The following ABCA6 variants were observed in gnomAD, a reference collection of about 807,000 sequenced individuals.
The protein encoded by ABCA6 is ATP-binding cassette sub-family A member 6.
A neutral mutation model predicts 191.2 loss-of-function variants in ABCA6; 164 were observed. The observed-to-expected ratio is 0.86, with a 90% CI of 0.76 to 0.98. The LOEUF is 0.98. ABCA6 is among the 50% of genes least tolerant of loss of function. The pLI is 0.00. For missense variants in ABCA6, 1,958 were observed against 1,894.1 expected, an observed-to-expected ratio of 1.03 and a Z score of -0.63; for synonymous variants, 636 against 647.7, an observed-to-expected ratio of 0.98 and a Z score of 0.27.
chr17:69,121,801 A>G (rs2073652299), intron 10 of ABCA6, among the ~76,000 whole-genome samples: 1 of 152,028 alleles, frequency 6.6e-6, no homozygotes, highest in Non-Finnish European at 1.5e-5. Flanking sequence ...CAACTGGTAA[A>G]GAAGGATTGA....
Position 69,114,848 on chromosome 17 carries a change from C to T in ABCA6, c.1696G>A (p.Val566Ile). ...TTCACGGTGAGTATGTCAAATTGAA[C>T]ATTGAATTGAGGACAGACGCCAGTT... ...KITGVCPQFNVQFDILTVKEN... is the reference protein window; with the variant it reads ...KITGVCPQFNIQFDILTVKEN... Residue 566 changes from valine to isoleucine, a missense_variant, in exon 13 of 39, where the codon GTT becomes ATT. Physicochemically the swap from Val to Ile is conservative, Grantham distance 29 (BLOSUM62 3). Coordinates refer to ENST00000284425, the MANE Select transcript of ABCA6 (RefSeq NM_080284.3). The T allele has an allele frequency of 6.2e-7, 1 of 1,612,682 alleles. No homozygotes were observed. Among genetic ancestry groups the T allele is most frequent in the Non-Finnish European group, 8.5e-7 (1 of 1,179,182 alleles).
rs760596501 is a variant in ABCA6 at position 69,083,260 on chromosome 17, G to A, written c.4427C>T (p.Ala1476Val). The A allele has an allele frequency of 8.7e-6, 14 of 1,610,796 alleles. No individual in the cohort carries two copies. The highest frequency in any genetic ancestry group is 6.7e-5 in the East Asian group (3 of 44,852). ...GGCCACACGGTCACACAAGGCTTCC[G>A]CCTCAGCCAGGTTATGGGTGGTCAG... ...VLLTTHNLAE[A>V]EALCDRVAIM... Residue 1476 changes from alanine (A) to valine (V), a missense_variant, in exon 35 of 39, where the codon GCG becomes GTG. By Grantham distance (64) the Ala-to-Val change is moderately conservative. Coordinates refer to ENST00000284425, the MANE Select transcript of ABCA6 (RefSeq NM_080284.3).
Position 69,096,803 on chromosome 17 carries a change from TG to T in ABCA6, c.3121-3del. 1 of 1,517,004 alleles carries T rather than the reference TG, an allele frequency of 6.6e-7. No homozygotes were observed. Among genetic ancestry groups the T allele is most frequent in the Non-Finnish European group, 8.7e-7 (1 of 1,143,918 alleles). 94.0% of individuals were successfully genotyped at this position (1,517,004 alleles called of 1,614,324 possible). A position where few individuals can be genotyped will look rare whatever the true frequency, so the allele number is the denominator to read the frequency against. On this transcript the variant is annotated splice_polypyrimidine_tract_variant and splice_region_variant and intron_variant, in intron 23 of 38. Coordinates refer to ENST00000284425, the MANE Select transcript of ABCA6 (RefSeq NM_080284.3). ...CCATAGCTGGGACTTAGCATTTTTC[TG>T]ATTAAAAAAAAAAAGAAAGAAAGAA...
At chr17:69,088,426 G>A (rs181226456) in intron 27 of ABCA6, among the ~76,000 whole-genome samples, 168 bp from the exon 28 acceptor site, 7 of 152,210 alleles carry the variant, frequency 4.6e-5, no homozygotes, top group African/African-American at 9.6e-5. Context: ...AGTGAAACCT[G>A]TTTCCTTTCT....
intron 1 of ABCA6, among the ~76,000 whole-genome samples, chr17:69,141,432 C>G (rs1729449856): frequency 6.6e-6 from 1 of 151,860 alleles, no homozygotes. Flanking sequence ...GTAATTTTGC[C>G]CAAAGATTTG....
Position 69,133,886 on chromosome 17 carries a change from A to G in ABCA6, c.565-19T>C. 1.4e-6 allele frequency: 2 copies of G among 1,454,872 alleles called. No individual in the cohort carries two copies. Among genetic ancestry groups the G allele is most frequent in the Non-Finnish European group, 1.9e-6 (2 of 1,065,230 alleles). 90.1% of individuals were successfully genotyped at this position (1,454,872 alleles called of 1,614,324 possible). On this transcript the variant is annotated intron_variant, in intron 5 of 38. Transcript: ENST00000284425. ...TTGTGATCTAAAGTAGAGTTTAAAC[A>G]AACATAATTATTATTTAAAAGATAG...
chr17:69,126,500 T>A (rs1427501599), intron 8 of ABCA6, among the ~76,000 whole-genome samples: 1 of 151,794 alleles, frequency 6.6e-6, no homozygotes, highest in African/African-American at 2.4e-5. Context: ...AATTAAAAAT[T>A]AGCCAGGTGT....
intron 5 of ABCA6, among the ~76,000 whole-genome samples, chr17:69,134,185 A>G (rs961385042): frequency 2.6e-5 from 4 of 152,220 alleles, no homozygotes; most frequent in Non-Finnish European, 4.4e-5. Context: ...ACCACAGGAA[A>G]ATCTGATTAT....
chr17:69,124,740 C>A, intron 9 of ABCA6, 148 bp downstream of exon 9: 1 of 417,194 alleles, frequency 2.4e-6, no homozygotes, highest in Non-Finnish European at 4.2e-6. Context: ...TTCATTAGAC[C>A]ATTAGAACTA....
chr17:69,090,319 G>A (rs1015449678), intron 26 of ABCA6, among the ~76,000 whole-genome samples: 3 of 152,098 alleles, frequency 2.0e-5, no homozygotes, highest in Admixed American at 2.0e-4. Flanking sequence ...TAACTTTCTT[G>A]CCCTGGCCTC....
At chr17:69,080,451 A>G (rs2072602990) in intron 37 of ABCA6, among the ~76,000 whole-genome samples, 1 of 152,036 alleles carries the variant, frequency 6.6e-6, no homozygotes, top group Non-Finnish European at 1.5e-5. Flanking sequence ...TGCTGTTGGG[A>G]ATGACGGGGT....
intron 6 of ABCA6, among the ~76,000 whole-genome samples, chr17:69,130,215 G>T (rs2073837509): frequency 6.6e-6 from 1 of 152,034 alleles, no homozygotes; most frequent in African/African-American, 2.4e-5. Context: ...TACTCGGGAG[G>T]CTGAGGCAGA....
Position 69,083,017 on chromosome 17 carries a change from T to C in ABCA6, c.4476-4A>G. The C allele has an allele frequency of 1.9e-6, 3 of 1,613,740 alleles. No individual in the cohort carries two copies. The highest frequency in any genetic ancestry group is 1.7e-5 in the Admixed American group (1 of 59,892). On this transcript the variant is annotated splice_polypyrimidine_tract_variant and splice_region_variant and intron_variant, in intron 35 of 38. Coordinates refer to ENST00000284425, the MANE Select transcript of ABCA6 (RefSeq NM_080284.3). Reference sequence around the variant, plus strand: ...GTGTTGGATGGAGCCAATGCATCTATGGGCAAGAAAGAGAATATGTTGGAA... The same window carrying C: ...GTGTTGGATGGAGCCAATGCATCTACGGGCAAGAAAGAGAATATGTTGGAA...
At chr17:69,107,892 G>T in intron 17 of ABCA6, 80 bp from the exon 18 acceptor site, 1 of 856,142 alleles carries the variant, frequency 1.2e-6, no homozygotes, top group Middle Eastern at 2.2e-4. Flanking sequence ...TTATTTAAAA[G>T]ACAATACATA....
In ABCA6 at chr17:69,100,868, T is replaced by C; in HGVS notation, c.2941A>G (p.Ile981Val). 1.2e-6 allele frequency: 2 copies of C among 1,612,128 alleles called. No individual in the cohort carries two copies. The highest frequency in any genetic ancestry group is 1.7e-6 in the Non-Finnish European group (2 of 1,178,802). ...LHCFPILMNIISNGLLQMFNH... is the reference protein window; with the variant it reads ...LHCFPILMNIVSNGLLQMFNH... ...AACATTTGAAGTAGCCCATTGCTGA[T>C]AATATTCATAAGAATTGGAAAACAG... Residue 981 changes from isoleucine to valine, a missense_variant, in exon 22 of 39, where the codon ATC becomes GTC. Physicochemically the swap from Ile to Val is conservative, Grantham distance 29. Coordinates refer to ENST00000284425, the MANE Select transcript of ABCA6 (RefSeq NM_080284.3).
At chr17:69,079,106 GAAGA>G in intron 38 of ABCA6, 32 bp from the exon 39 acceptor site, 1 of 1,578,298 alleles carries the variant, frequency 6.3e-7, no homozygotes, top group South Asian at 1.1e-5. Context: ...AGGAAAGAAG[GAAGA>G]GAGATTATCA....
chr17:69,089,656 T>A, intron 26 of ABCA6, 114 bp from the exon 27 acceptor site: 2 of 864,654 alleles, frequency 2.3e-6, no homozygotes, highest in Non-Finnish European at 3.5e-6. Flanking sequence ...GATCTCAATT[T>A]CTTTGTGTGC....
rs892673825 is a variant in ABCA6 at position 69,082,971 on chromosome 17, C to T, written c.4518G>A (p.Lys1506=). The change falls in exon 36 of 39, where the codon AAG becomes AAA. Residue 1506 remains lysine (K), a synonymous_variant. Transcript: ENST00000284425. Reference sequence around the variant, plus strand: ...TCACTTTTAGCTCTAGAATGTAATCCTTGCCAAGTTTGTTTTTCAGGTGTT... The same window carrying T: ...TCACTTTTAGCTCTAGAATGTAATCTTTGCCAAGTTTGTTTTTCAGGTGTT... ...SIQHLKNKLG[K]DYILELKVKE... The T allele has an allele frequency of 1.1e-5, 17 of 1,614,052 alleles. No homozygotes were observed. The highest frequency in any genetic ancestry group is 2.2e-5 in the South Asian group (2 of 91,086).
chr17:69,133,072 C>G (rs1349235983), intron 6 of ABCA6, among the ~76,000 whole-genome samples: 1 of 152,186 alleles, frequency 6.6e-6, no homozygotes, highest in East Asian at 1.9e-4. Context: ...TTGCTAAGGT[C>G]TTCTTACATG....
Sources: gnomAD v4.1 joint callset for allele counts (sites outside exome capture counted in the v4.1 genomes callset) on GRCh38, gnomAD v4.1.1 for gene constraint, MANE v1.5 for transcripts, NCBI Gene and HGNC (gene_info 2026-07-23, HGNC 2026-07-21) for gene names.